Variants in GABRB1 observed in about 807,000 individuals in gnomAD.
GABRB1 encodes gamma-aminobutyric acid type A receptor subunit beta1, also known as gamma-aminobutyric acid receptor subunit beta-1.
Under a neutral mutation model 51.6 loss-of-function variants are expected in GABRB1, and 17 were observed. The ratio of observed to expected loss-of-function variants is 0.33; its 90% CI spans 0.23 to 0.49. The LOEUF (loss-of-function observed/expected upper bound fraction) is 0.49. Ranked by LOEUF, GABRB1 falls within the 20% of genes least tolerant of loss-of-function variation. The pLI, the probability that GABRB1 is intolerant of heterozygous loss-of-function variation, is 0.99. For synonymous variants in GABRB1, 247 were observed against 218.9 expected (o/e 1.13, Z -1.14); for missense variants, 410 against 600.6 (o/e 0.68, Z 3.32).
At chr4:47,161,592 A>G (rs1029593416) in intron 4 of GABRB1, 123 bp downstream of exon 4, 1 of 725,088 alleles carries the variant, frequency 1.4e-6, no homozygotes, top group East Asian at 2.7e-5. Context: ...GGGGTGTCAT[A>G]TACTTATGAA....
At chr4:47,204,191 G>T (rs1720020384) in intron 4 of GABRB1, among the ~76,000 whole-genome samples, 1 of 152,060 alleles carries the variant, frequency 6.6e-6, no homozygotes, top group South Asian at 2.1e-4. Flanking sequence ...ATCGAGTCTG[G>T]GTTCTCTGGT....
intron 4 of GABRB1, among the ~76,000 whole-genome samples, chr4:47,176,175 G>T (rs1718689235): frequency 6.6e-6 from 1 of 152,006 alleles, no homozygotes; most frequent in East Asian, 1.9e-4. Flanking sequence ...CCATTACTTA[G>T]TTCAGGTGGT....
rs143054309 is a variant in GABRB1 at position 47,079,497 on chromosome 4, G to T, written c.240+47013G>T. On this transcript the variant is annotated intron_variant, in intron 3 of 8. Transcript: ENST00000295454. ...TTTTTTTTGACCCATCTCATTACTG[G>T]GTATATACCCAAAGGATTATAAAAC... 3.0e-3 allele frequency among the ~76,000 whole-genome samples: 455 copies of T among 151,784 alleles called. 2 individuals are homozygous for T. The highest frequency in any genetic ancestry group is 0.013 in the South Asian group (64 of 4,802).
chr4:47,101,840 T>A (rs1199978609), intron 3 of GABRB1, among the ~76,000 whole-genome samples: 1 of 152,028 alleles, frequency 6.6e-6, no homozygotes, highest in Non-Finnish European at 1.5e-5. Flanking sequence ...GAAAACTTGG[T>A]CCTTAGATAT....
intron 3 of GABRB1, among the ~76,000 whole-genome samples, chr4:47,073,025 T>G (rs963082751): frequency 9.2e-5 from 14 of 152,200 alleles, no homozygotes; most frequent in Non-Finnish European, 1.9e-4. Context: ...GACTATCACC[T>G]ATCAGAAAAC....
intron 4 of GABRB1, among the ~76,000 whole-genome samples, chr4:47,169,000 T>C (rs1194919105): frequency 6.6e-6 from 1 of 152,094 alleles, no homozygotes; most frequent in Admixed American, 6.6e-5. Context: ...ACCAGTCATA[T>C]TGGATTAGGA....
rs1464499876 is a variant in GABRB1, at chr4:47,106,264, T to C, written c.241-54985T>C. Among the ~76,000 whole-genome samples the C allele has an allele frequency of 2.0e-5, 3 of 152,058 alleles. 1 individual carries two copies. The highest frequency in any genetic ancestry group is 2.0e-4 in the Admixed American group (3 of 15,230). On this transcript the variant is annotated intron_variant, in intron 3 of 8. Coordinates refer to ENST00000295454, the MANE Select transcript of GABRB1 (RefSeq NM_000812.4). ...GAGGTAATTAATTTCCTCAATATTTTAAAAAACCAAAATTGAACAACACAG... is the reference window on the plus strand; with the variant it reads ...GAGGTAATTAATTTCCTCAATATTTCAAAAAACCAAAATTGAACAACACAG...
At chr4:47,029,069 A>G (rs1725196728), upstream of GABRB1, among the ~76,000 whole-genome samples, 1 of 151,716 alleles carries the variant, frequency 6.6e-6, no homozygotes, top group Admixed American at 6.6e-5. Context: ...GTTGTATTAC[A>G]TTGTGTGATT....
In GABRB1 at chr4:47,292,158, A is replaced by G. The variant is rs9715319; in HGVS notation, c.462-27969A>G. On this transcript the variant is annotated intron_variant, in intron 4 of 8. Transcript: ENST00000295454. ...CCATGCTGTTCTTGTGGTAGTGAGT[A>G]AGCCTTATGAGATCTGATGGTCATT... Among the ~76,000 whole-genome samples, 977 of 152,216 alleles carry G rather than the reference A, an allele frequency of 6.4e-3. 10 individuals are homozygous for G. Among genetic ancestry groups the G allele is most frequent in the African/African-American group, 0.022 (902 of 41,534 alleles).
At chr4:47,139,925 C>T (rs1222301263) in intron 3 of GABRB1, among the ~76,000 whole-genome samples, 1 of 151,684 alleles carries the variant, frequency 6.6e-6, no homozygotes, top group Non-Finnish European at 1.5e-5. Flanking sequence ...AAAGTAGCAA[C>T]AAAAGTACAT....
At chr4:46,995,575 G>T (rs2109421451) in intron 1 of GABRB1, among the ~76,000 whole-genome samples, 1 of 152,130 alleles carries the variant, frequency 6.6e-6, no homozygotes, top group Non-Finnish European at 1.5e-5. Context: ...ATGTCACCAG[G>T]CTACCCTCAA....
intron 4 of GABRB1, among the ~76,000 whole-genome samples, chr4:47,205,948 C>T (rs996422641): frequency 1.3e-5 from 2 of 151,858 alleles, no homozygotes; most frequent in African/African-American, 4.8e-5. Flanking sequence ...AAGACTAGTA[C>T]AAAATATAGT....
intron 8 of GABRB1, among the ~76,000 whole-genome samples, chr4:47,408,959 T>G (rs1214267375): frequency 6.6e-6 from 1 of 152,120 alleles, no homozygotes; most frequent in Non-Finnish European, 1.5e-5. Flanking sequence ...GAAAGAATAA[T>G]GAAGAAAGCA....
intron 3 of GABRB1, among the ~76,000 whole-genome samples, chr4:47,102,346 G>T (rs971168665): frequency 2.6e-5 from 4 of 152,020 alleles, no homozygotes; most frequent in African/African-American, 9.7e-5. Context: ...CAAGAGGCAT[G>T]TATCTGAGGA....
intron 4 of GABRB1, among the ~76,000 whole-genome samples, chr4:47,309,277 C>A (rs1410739910): frequency 6.6e-6 from 1 of 151,170 alleles, no homozygotes; most frequent in African/African-American, 2.4e-5. Flanking sequence ...TTTTTGCCCA[C>A]CCTCAATCCC....
intron 5 of GABRB1, among the ~76,000 whole-genome samples, chr4:47,338,351 A>G (rs751495585): frequency 1.3e-5 from 2 of 152,202 alleles, no homozygotes; most frequent in Non-Finnish European, 2.9e-5. Flanking sequence ...CAAGATGACT[A>G]CATCCTAGTC....
At chr4:47,285,089 T>C (rs1282209797) in intron 4 of GABRB1, among the ~76,000 whole-genome samples, 2 of 152,196 alleles carry the variant, frequency 1.3e-5, no homozygotes, top group Admixed American at 1.3e-4. Flanking sequence ...TCAGCCTAGA[T>C]TCTGAAATAA....
At chr4:47,288,724 A>G (rs1723608040) in intron 4 of GABRB1, among the ~76,000 whole-genome samples, 1 of 152,122 alleles carries the variant, frequency 6.6e-6, no homozygotes, top group African/African-American at 2.4e-5. Context: ...TTTCAAGGCA[A>G]TTTTCAAATG....
At chr4:47,398,092 T>G (rs1021547166) in intron 5 of GABRB1, among the ~76,000 whole-genome samples, 2 of 152,192 alleles carry the variant, frequency 1.3e-5, no homozygotes, top group African/African-American at 4.8e-5. Flanking sequence ...TGTTGCTTCA[T>G]ATGTGTTTTG....
Sources: allele counts gnomAD v4.1 joint callset (sites outside exome capture counted in the v4.1 genomes callset), GRCh38; gene constraint gnomAD v4.1.1; transcripts MANE v1.5; gene names NCBI Gene and HGNC (gene_info 2026-07-23, HGNC 2026-07-21).